FHOD3: variants seen among roughly 807,000 people sequenced by gnomAD.
FHOD3 encodes the protein formin homology 2 domain containing 3, also known as FH1/FH2 domain-containing protein 3.
A neutral mutation model predicts 173.0 loss-of-function variants in FHOD3; 90 were observed. The observed-to-expected ratio is 0.52, with a 90% CI of 0.44 to 0.62. The LOEUF (loss-of-function observed/expected upper bound fraction) is 0.62, where lower values mean the gene tolerates loss of function less well. Ranked by LOEUF, FHOD3 falls within the 20% of genes least tolerant of loss-of-function variation. The pLI is 0.00. For missense variants in FHOD3, 1,945 were observed against 2,034.7 expected, an observed-to-expected ratio of 0.96 and a Z score of 0.85; for synonymous variants, 828 against 823.0, an observed-to-expected ratio of 1.01 and a Z score of -0.10.
chr18:36,660,746 G>T (rs771867704), intron 14 of FHOD3, among the ~76,000 whole-genome samples: 1 of 152,206 alleles, frequency 6.6e-6, no homozygotes, highest in African/African-American at 2.4e-5. Flanking sequence ...AGAGGCCCTG[G>T]GGAGGTGTGG....
intron 3 of FHOD3, among the ~76,000 whole-genome samples, chr18:36,396,062 C>T (rs984025893): frequency 6.6e-6 from 1 of 152,070 alleles, no homozygotes; most frequent in East Asian, 1.9e-4. Context: ...ATATCCTTGG[C>T]CAACATTTTA....
intron 1 of FHOD3, among the ~76,000 whole-genome samples, chr18:36,341,656 C>T (rs759977777): frequency 2.6e-5 from 4 of 152,108 alleles, no homozygotes; most frequent in Non-Finnish European, 5.9e-5. Context: ...TTCATTGGGA[C>T]CCCTAAAGAT....
At chr18:36,311,677 A>G (rs1410675339) in intron 1 of FHOD3, among the ~76,000 whole-genome samples, 1 of 151,920 alleles carries the variant, frequency 6.6e-6, no homozygotes, top group African/African-American at 2.4e-5. Context: ...CCACACCTGC[A>G]CCCCCACCAC....
chr18:36,405,518 T>C (rs1419675119), intron 3 of FHOD3, among the ~76,000 whole-genome samples: 1 of 152,260 alleles, frequency 6.6e-6, no homozygotes, highest in Non-Finnish European at 1.5e-5. Flanking sequence ...TTCAGGTTTT[T>C]ATTTTTTGGC....
intron 3 of FHOD3, among the ~76,000 whole-genome samples, chr18:36,426,759 G>A (rs904229881): frequency 1.3e-5 from 2 of 152,230 alleles, no homozygotes; most frequent in Non-Finnish European, 2.9e-5. Context: ...TGAGTTTAGT[G>A]TAAGTGTTTT....
At chr18:36,738,400 C>T (rs1343736070) in intron 20 of FHOD3, among the ~76,000 whole-genome samples, 1 of 152,206 alleles carries the variant, frequency 6.6e-6, no homozygotes, top group African/African-American at 2.4e-5. Context: ...TGAGGAACTA[C>T]AGCTTGTCCT....
At chr18:36,348,237 T>C (rs1057442215) in intron 1 of FHOD3, among the ~76,000 whole-genome samples, 14 of 152,224 alleles carry the variant, frequency 9.2e-5, no homozygotes, top group Non-Finnish European at 1.6e-4. Context: ...ACAAGCTTCA[T>C]GGCTGCCTAG....
At chr18:36,411,285 C>T (rs2049340228) in intron 3 of FHOD3, among the ~76,000 whole-genome samples, 1 of 152,154 alleles carries the variant, frequency 6.6e-6, no homozygotes, top group South Asian at 2.1e-4. Context: ...TTAATAAATA[C>T]ATTTTAAATT....
chr18:36,445,386 C>T (rs1005054224), intron 3 of FHOD3, among the ~76,000 whole-genome samples: 1 of 152,012 alleles, frequency 6.6e-6, no homozygotes, highest in Non-Finnish European at 1.5e-5. Flanking sequence ...TTTAGGCCTG[C>T]CTTTGAGTTT....
intron 14 of FHOD3, among the ~76,000 whole-genome samples, chr18:36,668,541 A>C (rs1343366578): frequency 6.6e-6 from 1 of 151,382 alleles, no homozygotes; most frequent in African/African-American, 2.4e-5. Context: ...ACTTTGTGTA[A>C]AATTTGCTCT....
At chr18:36,602,527 A>G in intron 7 of FHOD3, 147 bp from the exon 8 acceptor site, 2 of 699,196 alleles carry the variant, frequency 2.9e-6, no homozygotes, top group South Asian at 1.6e-5. Context: ...GCTCAAATCC[A>G]TCCTAAGGAT....
chr18:36,705,095 T>A (rs1176057883), intron 17 of FHOD3, among the ~76,000 whole-genome samples: 1 of 152,216 alleles, frequency 6.6e-6, no homozygotes, highest in African/African-American at 2.4e-5. Context: ...GCAGAAAGCC[T>A]TGCTTGCCTG....
intron 3 of FHOD3, among the ~76,000 whole-genome samples, chr18:36,491,847 A>T (rs958197878): frequency 6.6e-6 from 1 of 152,168 alleles, no homozygotes; most frequent in African/African-American, 2.4e-5. Context: ...ACTCCATTGT[A>T]TGGATGTTAC....
intron 1 of FHOD3, among the ~76,000 whole-genome samples, chr18:36,306,316 C>T (rs970566363): frequency 6.6e-6 from 1 of 152,190 alleles, no homozygotes; most frequent in African/African-American, 2.4e-5. Flanking sequence ...TTTCTGGGCT[C>T]TGGGCTCCAT....
In FHOD3 at chr18:36,409,173, G is replaced by C. The variant is rs547912407; in HGVS notation, c.337+36429G>C. The stretch of plus-strand genomic sequence containing the variant: ...TCTGCTAACCATGGGAAACCTTCTT[G>C]GGGGGGTAATTCTCCTTGAGCAGGG... On this transcript the variant is annotated intron_variant, in intron 3 of 28. Transcript: ENST00000590592. Among the ~76,000 whole-genome samples, 265 of 148,802 alleles carry C rather than the reference G, an allele frequency of 1.8e-3. 1 individual carries two copies. Among genetic ancestry groups the C allele is most frequent in the African/African-American group, 6.1e-3 (252 of 41,248 alleles).
At chr18:36,306,442 A>G (rs2092100065) in intron 1 of FHOD3, among the ~76,000 whole-genome samples, 2 of 152,226 alleles carry the variant, frequency 1.3e-5, no homozygotes, top group Admixed American at 6.5e-5. Context: ...GAACATAGCC[A>G]TTAATGGAAA....
At chr18:36,587,309 G>T (rs550401677) in intron 6 of FHOD3, among the ~76,000 whole-genome samples, 5 of 152,290 alleles carry the variant, frequency 3.3e-5, no homozygotes, top group African/African-American at 9.6e-5. Context: ...ACTCTTCAGA[G>T]GCCAAGTGAG....
chr18:36,344,301 C>T (rs1248627137), intron 1 of FHOD3, among the ~76,000 whole-genome samples: 1 of 152,012 alleles, frequency 6.6e-6, no homozygotes, highest in East Asian at 1.9e-4. Context: ...TATTGACTGC[C>T]CAAAACAATA....
At chr18:36,583,805 AATT>A (rs112886691) in intron 6 of FHOD3, among the ~76,000 whole-genome samples, 57 of 151,116 alleles carry the variant, frequency 3.8e-4, no homozygotes, top group African/African-American at 1.1e-3. Flanking sequence ...TTTATTGTTT[AATT>A]ATTATTATTA....
Sources: gnomAD v4.1 joint callset for allele counts (sites outside exome capture counted in the v4.1 genomes callset) on GRCh38, gnomAD v4.1.1 for gene constraint, MANE v1.5 for transcripts, NCBI Gene and HGNC (gene_info 2026-07-23, HGNC 2026-07-21) for gene names.